Variants in NLGN1 observed in about 807,000 individuals in gnomAD.
NLGN1 encodes neuroligin-1.
NLGN1 carries 12 observed loss-of-function variants against 65.5 expected under a neutral mutation model. That is an observed-to-expected ratio of 0.18 (90% CI 0.12 to 0.30). NLGN1 has a LOEUF of 0.30. Ranked by LOEUF, NLGN1 falls within the 10% of genes least tolerant of loss-of-function variation. The pLI, the probability that NLGN1 is intolerant of heterozygous loss-of-function variation, is 1.00. For missense variants in NLGN1, 750 were observed against 1,007.1 expected, an observed-to-expected ratio of 0.74 and a Z score of 3.46; for synonymous variants, 350 against 359.5, an observed-to-expected ratio of 0.97 and a Z score of 0.30.
chr3:173,881,897 G>GT (rs1477365472), intron 4 of NLGN1, among the ~76,000 whole-genome samples: 1 of 152,090 alleles, frequency 6.6e-6, no homozygotes, highest in Non-Finnish European at 1.5e-5. Context: ...TTTCTAGAAG[G>GT]TTTTTAATTT....
At chr3:174,087,217 G>A (rs147284535) in intron 4 of NLGN1, among the ~76,000 whole-genome samples, 1 of 152,184 alleles carries the variant, frequency 6.6e-6, no homozygotes, top group African/African-American at 2.4e-5. Context: ...AACAAACCCC[G>A]TGACATGAGT....
intron 3 of NLGN1, chr3:173,789,922 C>G (rs570416315): frequency 7.9e-6 from 4 of 503,562 alleles, no homozygotes; most frequent in Middle Eastern, 3.2e-4. Flanking sequence ...GGACAAGGCA[C>G]CTGTGAGCTT....
chr3:173,635,143 T>C (rs1756378690), intron 3 of NLGN1, among the ~76,000 whole-genome samples: 2 of 152,156 alleles, frequency 1.3e-5, no homozygotes, highest in African/African-American at 4.8e-5. Flanking sequence ...GATAACAAAA[T>C]AGCTACAGAG....
chr3:173,445,431 C>T (rs1399465113), intron 2 of NLGN1, among the ~76,000 whole-genome samples: 1 of 152,130 alleles, frequency 6.6e-6, no homozygotes, highest in East Asian at 1.9e-4. Context: ...AATATCCAGG[C>T]TCAAAACTCT....
rs557172135 is a variant in NLGN1, at chr3:173,866,522, G to A, written c.646+58690G>A. ...TATTTTGTTGAGAAATTGGGCGTAT[G>A]TTTGCTATAATCTATTATGAGCAAA... On this transcript the variant is annotated intron_variant, in intron 4 of 6. Coordinates refer to ENST00000457714, the Ensembl canonical transcript of NLGN1. Among the ~76,000 whole-genome samples the A allele has an allele frequency of 6.6e-5, 10 of 152,316 alleles. No homozygotes were observed. In the South Asian group the frequency reaches 1.2e-3, roughly 19 times the overall value.
At chr3:174,215,431 T>C (rs1029693935) in intron 4 of NLGN1, among the ~76,000 whole-genome samples, 5 of 152,210 alleles carry the variant, frequency 3.3e-5, no homozygotes, top group Non-Finnish European at 7.4e-5. Context: ...TTTAAAATTA[T>C]ACCTCCTGCC....
chr3:173,675,887 T>TCACACA lies in NLGN1; in HGVS notation c.493+70826_493+70831dup, dbSNP rs35370304. Among the ~76,000 whole-genome samples, 373 of 138,626 alleles carry TCACACA rather than the reference T, an allele frequency of 2.7e-3. 4 individuals are homozygous for TCACACA. The highest frequency in any genetic ancestry group is 0.01 in the African/African-American group (358 of 35,694). 90.9% of individuals were successfully genotyped at this position (138,626 alleles called of 152,430 possible). ...CTCTTTGTCTCTCTCTCTCTCTCTC[T>TCACACA]CACACACACACACACACACACACAC... On this transcript the variant is annotated intron_variant, in intron 3 of 6. Coordinates refer to ENST00000457714, the Ensembl canonical transcript of NLGN1.
intron 4 of NLGN1, among the ~76,000 whole-genome samples, chr3:174,169,613 G>T (rs780743959): frequency 6.6e-6 from 1 of 152,124 alleles, no homozygotes; most frequent in Non-Finnish European, 1.5e-5. Flanking sequence ...AAGTGCTCCA[G>T]ATGCCTGAAT....
intron 3 of NLGN1, among the ~76,000 whole-genome samples, chr3:173,799,293 C>T (rs1425731120): frequency 6.6e-6 from 1 of 151,950 alleles, no homozygotes; most frequent in Non-Finnish European, 1.5e-5. Flanking sequence ...GAATGTGAGA[C>T]TTCACTTGCT....
chr3:173,681,576 A>G (rs1038902954), intron 3 of NLGN1, among the ~76,000 whole-genome samples: 1 of 152,136 alleles, frequency 6.6e-6, no homozygotes, highest in Non-Finnish European at 1.5e-5. Context: ...CTCAGGGAGA[A>G]ATCTGCACAT....
At chr3:174,221,734 G>C (rs553372638) in intron 4 of NLGN1, among the ~76,000 whole-genome samples, 1 of 151,946 alleles carries the variant, frequency 6.6e-6, no homozygotes, top group African/African-American at 2.4e-5. Context: ...TTGCTTGCAG[G>C]GCCATGCACC....
intron 4 of NLGN1, among the ~76,000 whole-genome samples, chr3:174,119,854 T>C (rs1037363431): frequency 2.0e-5 from 3 of 152,222 alleles, no homozygotes; most frequent in Admixed American, 2.0e-4. Flanking sequence ...TTCCCTTATA[T>C]ACTCATGGTG....
chr3:173,984,504 A>G (rs991049799), intron 4 of NLGN1, among the ~76,000 whole-genome samples: 3 of 152,118 alleles, frequency 2.0e-5, no homozygotes, highest in Non-Finnish European at 4.4e-5. Context: ...TGTCTTGGAG[A>G]TTCAAATTAC....
At chr3:173,503,891 G>A (rs1230279107) in intron 2 of NLGN1, among the ~76,000 whole-genome samples, 1 of 151,850 alleles carries the variant, frequency 6.6e-6, no homozygotes, top group African/African-American at 2.4e-5. Flanking sequence ...AATCCTGACT[G>A]GGATTTTTTT....
chr3:173,484,800 T>G (rs1221015291), intron 2 of NLGN1, among the ~76,000 whole-genome samples: 3 of 152,144 alleles, frequency 2.0e-5, no homozygotes, highest in Non-Finnish European at 4.4e-5. Flanking sequence ...TTTATATGAC[T>G]CAAAGGAACA....
intron 4 of NLGN1, among the ~76,000 whole-genome samples, chr3:174,067,974 G>T (rs1739005471): frequency 6.6e-6 from 1 of 152,098 alleles, no homozygotes; most frequent in Non-Finnish European, 1.5e-5. Context: ...TCAACAGGCT[G>T]GCCTGAGGCA....
At chr3:173,621,701 AG>A (rs1331156509) in intron 3 of NLGN1, among the ~76,000 whole-genome samples, 2 of 152,112 alleles carry the variant, frequency 1.3e-5, no homozygotes, top group African/African-American at 4.8e-5. Context: ...AGCAGAAATT[AG>A]TAGAATTGGA....
intron 1 of NLGN1, among the ~76,000 whole-genome samples, chr3:173,418,101 A>G (rs984156538): frequency 6.6e-6 from 1 of 151,032 alleles, no homozygotes; most frequent in Non-Finnish European, 1.5e-5. Flanking sequence ...AAATATAATA[A>G]GTATATATAA....
intron 4 of NLGN1, among the ~76,000 whole-genome samples, chr3:174,083,625 G>A (rs1293659899): frequency 6.6e-6 from 1 of 151,988 alleles, no homozygotes; most frequent in Non-Finnish European, 1.5e-5. Context: ...TTTAAGTATT[G>A]GAATACTTTT....
Sources: allele counts gnomAD v4.1 joint callset (sites outside exome capture counted in the v4.1 genomes callset), GRCh38; gene constraint gnomAD v4.1.1; transcripts MANE v1.5; gene names NCBI Gene and HGNC (gene_info 2026-07-23, HGNC 2026-07-21).